LINGO2: variants seen among roughly 807,000 people sequenced by gnomAD.
LINGO2 encodes leucine rich repeat and Ig domain containing 2.
A neutral mutation model predicts 30.6 loss-of-function variants in LINGO2; 14 were observed. The ratio of observed to expected loss-of-function variants is 0.46; its 90% CI spans 0.30 to 0.72. The LOEUF is 0.72. Ranked by LOEUF, LINGO2 falls within the 30% of genes least tolerant of loss-of-function variation. LINGO2 has a pLI of 0.07. For missense variants in LINGO2, 729 were observed against 751.7 expected, an observed-to-expected ratio of 0.97 and a Z score of 0.35; for synonymous variants, 317 against 288.5, an observed-to-expected ratio of 1.10 and a Z score of -1.00.
the LINGO2 span, among the ~76,000 whole-genome samples, chr9:28,694,478 C>G: frequency 6.6e-6 from 1 of 151,936 alleles, no homozygotes; most frequent in Non-Finnish European, 1.5e-5. Flanking sequence ...CTCCTGTCTC[C>G]CAAAGGATTT....
the LINGO2 span, among the ~76,000 whole-genome samples, chr9:29,095,235 T>C: frequency 2.2e-5 from 3 of 138,840 alleles, 1 homozygote; most frequent in Admixed American, 7.3e-5. Context: ...AAAAAGAGGG[T>C]ATTGAATTTT....
chr9:28,289,046 A>C (rs1823623233), intron 4 of LINGO2, among the ~76,000 whole-genome samples: 1 of 152,178 alleles, frequency 6.6e-6, no homozygotes, highest in African/African-American at 2.4e-5. Flanking sequence ...TGCTTTAAGA[A>C]AGAAAAATTG....
chr9:28,716,673 C>G, the LINGO2 span, among the ~76,000 whole-genome samples: 1 of 152,044 alleles, frequency 6.6e-6, no homozygotes, highest in Admixed American at 6.6e-5. Flanking sequence ...TTGCCAAATA[C>G]AGTCATTTTT....
At chr9:29,128,951 TATAAAATTATTGGTAAAATTAAAA>T in the LINGO2 span, among the ~76,000 whole-genome samples, 1 of 152,182 alleles carries the variant, frequency 6.6e-6, no homozygotes, top group African/African-American at 2.4e-5. Flanking sequence ...ACAAGCTGGC[TATAAAATTATTGGTAAAATTAAAA>T]AAGAAATGTC....
chr9:28,756,316 C>T, the LINGO2 span, among the ~76,000 whole-genome samples: 1 of 151,984 alleles, frequency 6.6e-6, no homozygotes, highest in Non-Finnish European at 1.5e-5. Context: ...CCATTTGGAG[C>T]TGGAACATTA....
At chr9:28,804,808 T>C in the LINGO2 span, among the ~76,000 whole-genome samples, 2 of 152,078 alleles carry the variant, frequency 1.3e-5, no homozygotes, top group African/African-American at 4.8e-5. Context: ...CAGAGATCAT[T>C]TTTACCATTT....
At chr9:28,039,002 A>G (rs1824076835) in intron 4 of LINGO2, among the ~76,000 whole-genome samples, 1 of 152,208 alleles carries the variant, frequency 6.6e-6, no homozygotes, top group African/African-American at 2.4e-5. Context: ...GTGTAGCACG[A>G]AATCTTAAAG....
chr9:28,323,756 C>T (rs918700154), intron 3 of LINGO2, among the ~76,000 whole-genome samples: 1 of 152,112 alleles, frequency 6.6e-6, no homozygotes, highest in East Asian at 1.9e-4. Flanking sequence ...AATTAATTAC[C>T]ATCACCTGCT....
At chr9:28,538,859 G>A (rs1334509963) in intron 1 of LINGO2, among the ~76,000 whole-genome samples, 1 of 151,876 alleles carries the variant, frequency 6.6e-6, no homozygotes, top group East Asian at 1.9e-4. Flanking sequence ...TATGAATTTG[G>A]GGAGTCATAT....
At chr9:29,070,884 G>GTA in the LINGO2 span, among the ~76,000 whole-genome samples, 7 of 150,274 alleles carry the variant, frequency 4.7e-5, no homozygotes, top group African/African-American at 1.5e-4. Context: ...TATATTAATT[G>GTA]TATATATATG....
the LINGO2 span, among the ~76,000 whole-genome samples, chr9:29,097,689 T>G: frequency 7.2e-6 from 1 of 138,940 alleles, no homozygotes; most frequent in Admixed American, 7.3e-5. Context: ...GTTTTTCTTG[T>G]GCTTAAAAGA....
At chr9:28,343,781 G>A (rs541126248) in intron 3 of LINGO2, among the ~76,000 whole-genome samples, 7 of 152,144 alleles carry the variant, frequency 4.6e-5, no homozygotes, top group African/African-American at 9.7e-5. Context: ...CATATGAAGA[G>A]TTTCTATCAG....
chr9:28,448,467 G>A (rs1824515217), intron 2 of LINGO2, among the ~76,000 whole-genome samples: 1 of 152,032 alleles, frequency 6.6e-6, no homozygotes, highest in Admixed American at 6.6e-5. Flanking sequence ...TGCAAAAGAA[G>A]ACGTTTGTTA....
the LINGO2 span, among the ~76,000 whole-genome samples, chr9:28,830,505 G>C: frequency 6.6e-6 from 1 of 152,054 alleles, no homozygotes; most frequent in Non-Finnish European, 1.5e-5. Flanking sequence ...GAGAACTGTG[G>C]CCACTCAATA....
At chr9:28,353,464 C>A (rs1339827640) in intron 3 of LINGO2, among the ~76,000 whole-genome samples, 1 of 151,868 alleles carries the variant, frequency 6.6e-6, no homozygotes, top group Non-Finnish European at 1.5e-5. Flanking sequence ...TACCATCTCA[C>A]ACCAGTTAGA....
At chr9:29,049,824 G>A in the LINGO2 span, among the ~76,000 whole-genome samples, 6 of 152,074 alleles carry the variant, frequency 3.9e-5, no homozygotes, top group Admixed American at 6.6e-5. Context: ...TGGAGGAGAG[G>A]TGAGGATGGT....
chr9:28,414,841 C>G (rs1331871077), intron 2 of LINGO2, among the ~76,000 whole-genome samples: 2 of 151,998 alleles, frequency 1.3e-5, no homozygotes, highest in African/African-American at 4.8e-5. Flanking sequence ...CTCAGGAGAT[C>G]ATTCAAGATA....
intron 4 of LINGO2, among the ~76,000 whole-genome samples, chr9:28,180,592 C>G (rs1373766358): frequency 6.6e-6 from 1 of 152,120 alleles, no homozygotes; most frequent in Non-Finnish European, 1.5e-5. Flanking sequence ...TCACTTTATC[C>G]TCACTCAGGG....
At chr9:28,188,998 C>T (rs999996839) in intron 4 of LINGO2, among the ~76,000 whole-genome samples, 7 of 152,020 alleles carry the variant, frequency 4.6e-5, no homozygotes, top group Non-Finnish European at 1.0e-4. Context: ...GAAGACAAGT[C>T]TAAAAGTTTA....
Sources: allele counts gnomAD v4.1 joint callset (sites outside exome capture counted in the v4.1 genomes callset), GRCh38; gene constraint gnomAD v4.1.1; transcripts MANE v1.5; gene names NCBI Gene and HGNC (gene_info 2026-07-23, HGNC 2026-07-21).